The following BRD8 variants were observed in gnomAD, a reference collection of about 807,000 sequenced individuals.
BRD8 encodes the protein bromodomain-containing protein 8.
A neutral mutation model predicts 143.1 loss-of-function variants in BRD8; 67 were observed. The ratio of observed to expected loss-of-function variants is 0.47; its 90% CI spans 0.38 to 0.57. The LOEUF is 0.57. Ranked by LOEUF, BRD8 falls within the 20% of genes least tolerant of loss-of-function variation. BRD8 has a pLI of 0.00. For missense variants in BRD8, 1,103 were observed against 1,503.0 expected (o/e 0.73, Z 4.40); for synonymous variants, 505 against 517.1 (o/e 0.98, Z 0.32).
intron 25 of BRD8, among the ~76,000 whole-genome samples, chr5:138,144,918 A>ATATAT (rs1464411297): frequency 1.4e-4 from 13 of 89,830 alleles, no homozygotes; most frequent in African/African-American, 5.3e-4. Flanking sequence ...AAAAAAAAAA[A>ATATAT]ATATATATAT....
chr5:138,170,650 C>A, intron 6 of BRD8, 182 bp downstream of exon 6: 1 of 749,894 alleles, frequency 1.3e-6, no homozygotes, highest in Non-Finnish European at 2.4e-6. Flanking sequence ...TGAAATGTCC[C>A]ATTATATTAC....
chr5:138,160,751 C>T (rs1752943996), intron 18 of BRD8, 140 bp downstream of exon 18: 2 of 710,814 alleles, frequency 2.8e-6, no homozygotes, highest in East Asian at 3.0e-5. Context: ...AAAGTAAGAA[C>T]AAAATATTAT....
chr5:138,150,682 T>C (rs1752342025), intron 22 of BRD8, 63 bp downstream of exon 22: 1 of 1,516,768 alleles, frequency 6.6e-7, no homozygotes, highest in East Asian at 2.3e-5. Context: ...GTGCTCTAAC[T>C]ACTCTGTTCT....
At chr5:138,152,107 C>T (rs911184695) in intron 21 of BRD8, among the ~76,000 whole-genome samples, 3 of 152,192 alleles carry the variant, frequency 2.0e-5, no homozygotes, top group East Asian at 1.9e-4. Context: ...CCGCCCGCCT[C>T]GGCCTCCTAA....
In BRD8 at chr5:138,162,925, T is replaced by C. The variant is rs148951509; in HGVS notation, c.2087+205A>G. On this transcript the variant is annotated intron_variant, in intron 15 of 26. Transcript: ENST00000254900. ...CTGAGGTGGAAGGATTGCTTGGGCCTGAGAAGTGGAGGTTGCAGTGAGCTG... is the reference window on the plus strand; with the variant it reads ...CTGAGGTGGAAGGATTGCTTGGGCCCGAGAAGTGGAGGTTGCAGTGAGCTG... 2.6e-4 allele frequency among the ~76,000 whole-genome samples: 39 copies of C among 151,526 alleles called. 1 individual carries two copies. The East Asian group carries it at 7.4e-3, about 29-fold the overall frequency.
In BRD8 at chr5:138,145,844, G is replaced by A. The variant is rs562443530; in HGVS notation, c.3313C>T (p.His1105Tyr). ...DLSQDDPVQD[H>Y]LLFKKTLLPV... ...AGGAGAGTCTTCTTAAATAGCAAAT[G>A]ATCCTGAACAGGGTCATCCTGGCTT... The change falls in exon 24 of 27, where the codon CAT becomes TAT. Residue 1105 changes from histidine to tyrosine, a missense_variant. By Grantham distance (83) the His-to-Tyr change is moderately conservative. Transcript: ENST00000254900. 2 of 1,613,978 alleles carry A rather than the reference G, an allele frequency of 1.2e-6. No individual in the cohort carries two copies. Among genetic ancestry groups the A allele is most frequent in the South Asian group, 2.2e-5 (2 of 91,060 alleles).
chr5:138,168,096 A>C lies in BRD8; in HGVS notation c.643-18T>G, dbSNP rs1256841592. The stretch of plus-strand genomic sequence containing the variant: ...TCATTGACCTACCAGGGAAGAATAG[A>C]GGTGAAGGCTACACTCAAGCTTTCC... On this transcript the variant is annotated intron_variant, in intron 8 of 26. Coordinates refer to ENST00000254900, the MANE Select transcript of BRD8 (RefSeq NM_139199.2). 2 of 1,596,686 alleles carry C rather than the reference A, an allele frequency of 1.3e-6. No individual in the cohort carries two copies. Among genetic ancestry groups the C allele is most frequent in the African/African-American group, 1.3e-5 (1 of 74,508 alleles).
chr5:138,142,289 C>T (rs1259100773), intron 25 of BRD8, among the ~76,000 whole-genome samples: 1 of 152,150 alleles, frequency 6.6e-6, no homozygotes, highest in Non-Finnish European at 1.5e-5. Context: ...CTTGATCTTG[C>T]ACTTCCCAGC....
intron 25 of BRD8, among the ~76,000 whole-genome samples, chr5:138,144,923 A>G (rs111450206): frequency 8.6e-6 from 1 of 115,656 alleles, no homozygotes; most frequent in Admixed American, 8.7e-5. Context: ...AAAAAAATAT[A>G]TATATATATA....
intron 25 of BRD8, among the ~76,000 whole-genome samples, chr5:138,141,524 C>G (rs1346382081): frequency 6.6e-6 from 1 of 152,172 alleles, no homozygotes; most frequent in Non-Finnish European, 1.5e-5. Flanking sequence ...TCAGAGGCAG[C>G]CTGACTCCAG....
chr5:138,141,644 C>T (rs1751913966), intron 25 of BRD8, among the ~76,000 whole-genome samples: 1 of 152,170 alleles, frequency 6.6e-6, no homozygotes, highest in Non-Finnish European at 1.5e-5. Flanking sequence ...TAGTTATTTG[C>T]TGTTTACAAT....
intron 22 of BRD8, 143 bp from the exon 23 acceptor site, chr5:138,149,940 G>T: frequency 1.3e-6 from 1 of 754,950 alleles, no homozygotes; most frequent in Non-Finnish European, 2.0e-6. Flanking sequence ...AAAGAAAGCT[G>T]ACTTAACTAG....
At chr5:138,178,496 A>G (rs1267631435) in intron 1 of BRD8, 100 bp downstream of exon 1, 16 of 1,145,326 alleles carry the variant, frequency 1.4e-5, no homozygotes, top group Non-Finnish European at 2.1e-5. Context: ...TGGGCTCTCA[A>G]GCAACCCACT....
chr5:138,177,398 G>A (rs1034831398), intron 2 of BRD8, 173 bp downstream of exon 2: 23 of 459,070 alleles, frequency 5.0e-5, no homozygotes, highest in South Asian at 1.1e-4. Context: ...GGGCGTGTCC[G>A]CACCACTGCA....
At chr5:138,173,151 A>G (rs1166675450) in intron 2 of BRD8, among the ~76,000 whole-genome samples, 3 of 152,188 alleles carry the variant, frequency 2.0e-5, no homozygotes. Flanking sequence ...TAATCCCAAC[A>G]CTTCGGGAGG....
At chr5:138,141,595 A>G (rs1751912520) in intron 25 of BRD8, among the ~76,000 whole-genome samples, 3 of 152,244 alleles carry the variant, frequency 2.0e-5, no homozygotes, top group African/African-American at 4.8e-5. Flanking sequence ...CCCAGGTATC[A>G]AAGTTGTAAA....
chr5:138,164,629 A>C (rs1290915420), intron 12 of BRD8, 85 bp downstream of exon 12: 19 of 1,481,656 alleles, frequency 1.3e-5, no homozygotes, highest in Non-Finnish European at 1.8e-5. Flanking sequence ...TCAGGAATGC[A>C]ACTGGAAAAC....
Position 138,160,057 on chromosome 5 carries a change from T to G in BRD8, c.2532+12A>C, listed in dbSNP as rs1313735358. 1 of 1,605,226 alleles carries G rather than the reference T, an allele frequency of 6.2e-7. No homozygotes were observed. The highest frequency in any genetic ancestry group is 1.1e-5 in the South Asian group (1 of 90,906). On this transcript the variant is annotated intron_variant, in intron 19 of 26. Coordinates refer to ENST00000254900, the MANE Select transcript of BRD8 (RefSeq NM_139199.2). ...GAACACTGGCACACAGGTTCCTTCC[T>G]GATCGCCTCACCTTCTCTGAAGCAT...
At chr5:138,161,970 C>A in intron 16 of BRD8, 84 bp downstream of exon 16, 1 of 1,560,118 alleles carries the variant, frequency 6.4e-7, no homozygotes, top group South Asian at 1.1e-5. Flanking sequence ...AGCAGTTCCA[C>A]AGAAGCCTAC....
Sources: allele counts gnomAD v4.1 joint callset (sites outside exome capture counted in the v4.1 genomes callset), GRCh38; gene constraint gnomAD v4.1.1; transcripts MANE v1.5; gene names NCBI Gene and HGNC (gene_info 2026-07-23, HGNC 2026-07-21).